Variants in TRAF3 observed in about 807,000 individuals in gnomAD.
The protein encoded by TRAF3 is TNF receptor associated factor 3, also known as TNF receptor-associated factor 3.
In TRAF3, 13 loss-of-function variants were observed where a neutral mutation model predicts 62.3. That is an observed-to-expected ratio of 0.21 (90% CI 0.14 to 0.33). The LOEUF is 0.33. TRAF3 is among the 10% of genes least tolerant of loss of function. The pLI is 1.00. For missense variants in TRAF3, 440 were observed against 741.8 expected (o/e 0.59, Z 4.73); for synonymous variants, 269 against 283.4 (o/e 0.95, Z 0.51).
At chr14:102,876,251 A>C in intron 5 of TRAF3, 107 bp from the exon 6 acceptor site, 1 of 1,228,126 alleles carries the variant, frequency 8.1e-7, no homozygotes, top group Non-Finnish European at 1.2e-6. Context: ...GTCTAACAGC[A>C]GATGAGAAAC....
chr14:102,779,271 T>C (rs890695972), intron 1 of TRAF3, among the ~76,000 whole-genome samples: 16 of 21,958 alleles, frequency 7.3e-4, no homozygotes, highest in African/African-American at 1.9e-3. Flanking sequence ...AATTCCAGCT[T>C]TTTTTTTTTT....
chr14:102,904,030 C>A, intron 11 of TRAF3: 1 of 355,140 alleles, frequency 2.8e-6, no homozygotes, highest in Admixed American at 3.7e-5. Context: ...AGAGCAGAGG[C>A]CACCTGTGGG....
rs1899427478 is a variant in TRAF3 at position 102,815,002 on chromosome 14, C to CG, written c.-156-15332_-156-15331insG. Among the ~76,000 whole-genome samples the CG allele has an allele frequency of 4.6e-5, 7 of 152,196 alleles. No individual in the cohort carries two copies. In the South Asian group the frequency reaches 1.5e-3, roughly 32 times the overall value. ...CCAGGCTGTAGTGCAGTGGCACAAT[C>CG]ATGGCTCACTGTAGCCTCGACCTCT... On this transcript the variant is annotated intron_variant, in intron 1 of 11. Coordinates refer to ENST00000392745, the MANE Select transcript of TRAF3 (RefSeq NM_145725.3).
rs1219728920 is a variant in TRAF3 at position 102,908,189 on chromosome 14, C to T, written c.*2405C>T. 6.6e-6 allele frequency: 1 copy of T among 152,336 alleles called. No homozygotes were observed. The highest frequency in any genetic ancestry group is 2.4e-5 in the African/African-American group (1 of 41,470). 9.4% of individuals were successfully genotyped at this position (152,336 alleles called of 1,614,324 possible). Reference sequence around the variant, plus strand: ...ACTGGGACGTCTCCAGTAGCCCTTCCCAGGCAGACGCTCCTGGCGGGACGC... The same window carrying T: ...ACTGGGACGTCTCCAGTAGCCCTTCTCAGGCAGACGCTCCTGGCGGGACGC... On this transcript the variant is annotated 3_prime_UTR_variant, in exon 12 of 12. Transcript: ENST00000392745.
chr14:102,817,215 T>C (rs1899591454), intron 1 of TRAF3, among the ~76,000 whole-genome samples: 1 of 152,026 alleles, frequency 6.6e-6, no homozygotes, highest in Non-Finnish European at 1.5e-5. Context: ...TATTTGAGAA[T>C]TATGAAAAGC....
intron 2 of TRAF3, among the ~76,000 whole-genome samples, chr14:102,844,505 T>A (rs762067293): frequency 3.3e-5 from 5 of 152,030 alleles, no homozygotes; most frequent in African/African-American, 4.8e-5. Context: ...GGCAGGAAAA[T>A]AAGATGCTCT....
At chr14:102,891,645 A>G (rs1472097239) in intron 9 of TRAF3, among the ~76,000 whole-genome samples, 6 of 151,994 alleles carry the variant, frequency 3.9e-5, no homozygotes, top group South Asian at 4.1e-4. Context: ...AGTCAATCAC[A>G]TTGTGATTAT....
At chr14:102,811,925 T>C (rs1899201378) in intron 1 of TRAF3, among the ~76,000 whole-genome samples, 1 of 110,806 alleles carries the variant, frequency 9.0e-6, no homozygotes, top group African/African-American at 3.5e-5. Flanking sequence ...TTTTTTTTTT[T>C]TTTTTTTTTT....
rs769573527 is a variant in TRAF3 at position 102,903,616 on chromosome 14, C to T, written c.1135+187C>T. 24 of 872,772 alleles carry T rather than the reference C, an allele frequency of 2.7e-5. No individual in the cohort carries two copies. Among genetic ancestry groups the T allele is most frequent in the South Asian group, 2.7e-4 (19 of 70,472 alleles). 54.1% of individuals were successfully genotyped at this position (872,772 alleles called of 1,614,324 possible). A position where few individuals can be genotyped will look rare whatever the true frequency, so the allele number is the denominator to read the frequency against. ...AGTCCCCCAGCAAAGACAAACGTTTCCCGCGCAGGCTTGTCCCCTCCGTGT... is the reference window on the plus strand; with the variant it reads ...AGTCCCCCAGCAAAGACAAACGTTTTCCGCGCAGGCTTGTCCCCTCCGTGT... On this transcript the variant is annotated intron_variant, in intron 11 of 11. Coordinates refer to ENST00000392745, the MANE Select transcript of TRAF3 (RefSeq NM_145725.3). This position sits in a 1 kb window ranked among gnomAD's most constrained non-coding sequence, Gnocchi z 6.4.
At chr14:102,854,597 T>G (rs971087226) in intron 2 of TRAF3, among the ~76,000 whole-genome samples, 7 of 152,100 alleles carry the variant, frequency 4.6e-5, no homozygotes, top group Non-Finnish European at 7.4e-5. Flanking sequence ...CCTCCTGGGC[T>G]CAAGTGATTC....
At chr14:102,782,547 TAAAA>T (rs1364404190) in intron 1 of TRAF3, among the ~76,000 whole-genome samples, 1 of 152,114 alleles carries the variant, frequency 6.6e-6, no homozygotes, top group African/African-American at 2.4e-5. Flanking sequence ...CTCTAAAATT[TAAAA>T]AAAGTCCTTT....
chr14:102,871,127 G>C (rs1395066904), intron 3 of TRAF3, among the ~76,000 whole-genome samples: 3 of 152,206 alleles, frequency 2.0e-5, no homozygotes, highest in Non-Finnish European at 4.4e-5. Context: ...AGGGCATGTC[G>C]GCCTGGGAAG....
chr14:102,839,149 G>A (rs2139669430), intron 2 of TRAF3, among the ~76,000 whole-genome samples: 1 of 149,952 alleles, frequency 6.7e-6, no homozygotes, highest in Admixed American at 6.6e-5. Flanking sequence ...AAATGAGCAG[G>A]CTAATTTCGA....
intron 1 of TRAF3, among the ~76,000 whole-genome samples, chr14:102,785,019 A>G (rs1180252340): frequency 6.6e-6 from 1 of 152,174 alleles, no homozygotes; most frequent in Non-Finnish European, 1.5e-5. Context: ...CATTTTGCAG[A>G]TGAGGAAAAG....
intron 1 of TRAF3, among the ~76,000 whole-genome samples, chr14:102,806,596 T>C (rs1898786765): frequency 6.6e-6 from 1 of 152,198 alleles, no homozygotes; most frequent in Admixed American, 6.5e-5. Flanking sequence ...GTCCTTGGTA[T>C]GTGCCGGGCA....
At chr14:102,807,063 CTGCTG>C (rs1566746941) in intron 1 of TRAF3, among the ~76,000 whole-genome samples, 1 of 152,198 alleles carries the variant, frequency 6.6e-6, no homozygotes, top group Non-Finnish European at 1.5e-5. Context: ...GGCAAGCCTT[CTGCTG>C]ATGCCGGTGG....
Position 102,854,285 on chromosome 14 carries a change from C to G in TRAF3, c.-17-15900C>G, listed in dbSNP as rs907114249. ...GTTTTTGCGTGAACAGACTGGTTCTCTTGGTATATACATAGAGATGGAATT... is the reference window on the plus strand; with the variant it reads ...GTTTTTGCGTGAACAGACTGGTTCTGTTGGTATATACATAGAGATGGAATT... On this transcript the variant is annotated intron_variant, in intron 2 of 11. Transcript: ENST00000392745. Among the ~76,000 whole-genome samples the G allele has an allele frequency of 3.9e-5, 6 of 151,966 alleles. No homozygotes were observed. In the East Asian group the frequency reaches 1.2e-3, roughly 29 times the overall value.
At chr14:102,811,113 A>G (rs1482741453) in intron 1 of TRAF3, among the ~76,000 whole-genome samples, 1 of 152,154 alleles carries the variant, frequency 6.6e-6, no homozygotes, top group Non-Finnish European at 1.5e-5. Flanking sequence ...ATGCACTTAG[A>G]TCATCTTGTA....
chr14:102,903,835 C>G lies in TRAF3; in HGVS notation c.1135+406C>G, dbSNP rs1330089414. 2.2e-6 allele frequency: 1 copy of G among 462,288 alleles called. No homozygotes were observed. The highest frequency in any genetic ancestry group is 4.3e-6 in the Non-Finnish European group (1 of 231,214). The allele number at this position is 462,288 out of a possible 1,614,324, so 28.6% of individuals were successfully genotyped here. ...GGGGCAGCAGTCCCACCGCGCTCTGCCAGCATGTTTCTGATCCACAAGCAG... is the reference window on the plus strand; with the variant it reads ...GGGGCAGCAGTCCCACCGCGCTCTGGCAGCATGTTTCTGATCCACAAGCAG... On this transcript the variant is annotated intron_variant, in intron 11 of 11. Transcript: ENST00000392745. This position sits in a 1 kb window ranked among gnomAD's most constrained non-coding sequence, Gnocchi z 6.4.
Sources: allele counts gnomAD v4.1 joint callset (sites outside exome capture counted in the v4.1 genomes callset), GRCh38; gene constraint gnomAD v4.1.1; non-coding constraint Gnocchi (gnomAD v3.1); transcripts MANE v1.5; gene names NCBI Gene and HGNC (gene_info 2026-07-23, HGNC 2026-07-21).